Variants in GRIN2A observed in about 807,000 individuals in gnomAD.
GRIN2A encodes the protein glutamate ionotropic receptor NMDA type subunit 2A, also known as glutamate receptor ionotropic, NMDA 2A.
GRIN2A carries 22 observed loss-of-function variants against 113.4 expected under a neutral mutation model. The ratio of observed to expected loss-of-function variants is 0.19; its 90% CI spans 0.14 to 0.28. The LOEUF (loss-of-function observed/expected upper bound fraction) is 0.28, where lower values mean the gene tolerates loss of function less well. Among genes scored for constraint, GRIN2A ranks in the 10% least tolerant of loss-of-function variants. The pLI is 1.00. For synonymous variants in GRIN2A, 827 were observed against 738.4 expected, an observed-to-expected ratio of 1.12 and a Z score of -1.94; for missense variants, 1,502 against 1,887.0, an observed-to-expected ratio of 0.80 and a Z score of 3.78.
intron 2 of GRIN2A, among the ~76,000 whole-genome samples, chr16:10,034,094 G>A (rs188818812): frequency 1.1e-4 from 17 of 152,262 alleles, no homozygotes; most frequent in Admixed American, 2.6e-4. Context: ...GATGCCAGGC[G>A]GCCGTGAGAA....
intron 11 of GRIN2A, 47 bp from the exon 12 acceptor site, chr16:9,769,136 CTTTGGGGCAGACGCTTCTGGG>C (rs1188155483): frequency 7.0e-7 from 1 of 1,420,246 alleles, no homozygotes; most frequent in Non-Finnish European, 1.0e-6. Context: ...AGAACATGCA[CTTTGGGGCAGACGCTTCTGGG>C]TTTGGAACAG....
chr16:10,031,802 G>A (rs997329177), intron 2 of GRIN2A, among the ~76,000 whole-genome samples: 1 of 152,208 alleles, frequency 6.6e-6, no homozygotes, highest in Non-Finnish European at 1.5e-5. Context: ...GTCTCAGCAC[G>A]GTTCTGCTCT....
At chr16:10,035,642 C>A (rs917981993) in intron 2 of GRIN2A, among the ~76,000 whole-genome samples, 2 of 152,124 alleles carry the variant, frequency 1.3e-5, no homozygotes, top group Non-Finnish European at 2.9e-5. Context: ...CAGGGGAAGC[C>A]CAAGAATCTG....
chr16:9,863,556 C>G (rs887845734), intron 4 of GRIN2A, among the ~76,000 whole-genome samples: 1 of 152,214 alleles, frequency 6.6e-6, no homozygotes, highest in Admixed American at 6.5e-5. Flanking sequence ...CCAACACGGA[C>G]ATCCAAAAGG....
chr16:10,171,795 T>C (rs1474539557), intron 2 of GRIN2A, among the ~76,000 whole-genome samples: 1 of 152,240 alleles, frequency 6.6e-6, no homozygotes, highest in Non-Finnish European at 1.5e-5. Flanking sequence ...CACTGAGACA[T>C]GGACTAATAT....
rs554481348 is a variant in GRIN2A, at chr16:9,946,694, C to A, written c.415-8143G>T. On this transcript the variant is annotated intron_variant, in intron 2 of 12. Transcript: ENST00000330684. ...GGAACATTTCCTAATCTGATCTAAT[C>A]AGAGTGGCTTTCTGGATTTATGAAG... Among the ~76,000 whole-genome samples the A allele has an allele frequency of 3.9e-5, 6 of 152,278 alleles. No homozygotes were observed. In the South Asian group the frequency reaches 1.2e-3, roughly 32 times the overall value.
intron 2 of GRIN2A, among the ~76,000 whole-genome samples, chr16:10,077,683 C>T (rs181368927): frequency 6.6e-6 from 1 of 152,340 alleles, no homozygotes; most frequent in African/African-American, 2.4e-5. Context: ...TTTCTGCCCT[C>T]ATCTCCTTCC....
chr16:10,111,235 G>A, intron 2 of GRIN2A: 1 of 255,510 alleles, frequency 3.9e-6, no homozygotes, highest in South Asian at 5.2e-5. Flanking sequence ...AAATGACCAA[G>A]GCACCCAACA....
intron 10 of GRIN2A, among the ~76,000 whole-genome samples, chr16:9,801,862 A>G (rs1223544886): frequency 1.3e-5 from 2 of 152,176 alleles, no homozygotes; most frequent in African/African-American, 4.8e-5. Context: ...AACTGAAGTG[A>G]TTACAACACA....
At chr16:9,955,320 G>A (rs1436261368) in intron 2 of GRIN2A, among the ~76,000 whole-genome samples, 2 of 152,128 alleles carry the variant, frequency 1.3e-5, no homozygotes, top group Non-Finnish European at 2.9e-5. Context: ...GACTTTGCTT[G>A]TCTTGTTCCA....
chr16:9,937,705 T>C, intron 3 of GRIN2A: 1 of 519,602 alleles, frequency 1.9e-6, no homozygotes, highest in Non-Finnish European at 3.5e-6. Context: ...GATCGATCAA[T>C]CCCAGGTGTA....
intron 2 of GRIN2A, among the ~76,000 whole-genome samples, chr16:10,161,164 T>G (rs552862135): frequency 2.0e-5 from 3 of 152,338 alleles, no homozygotes; most frequent in Admixed American, 6.5e-5. Context: ...CATGCTGTTC[T>G]CATGATAGTG....
intron 3 of GRIN2A, among the ~76,000 whole-genome samples, chr16:9,906,596 A>G (rs1365306042): frequency 2.0e-5 from 3 of 152,220 alleles, no homozygotes; most frequent in Non-Finnish European, 4.4e-5. Flanking sequence ...TTAAAAAAGT[A>G]TGTGAATCAA....
intron 10 of GRIN2A, among the ~76,000 whole-genome samples, chr16:9,814,499 C>T (rs535908091): frequency 1.2e-4 from 18 of 152,214 alleles, no homozygotes; most frequent in African/African-American, 3.6e-4. Context: ...TGCAAAGATG[C>T]CTGGACATAT....
chr16:10,153,993 T>C (rs2049637299), intron 2 of GRIN2A, among the ~76,000 whole-genome samples: 1 of 152,202 alleles, frequency 6.6e-6, no homozygotes, highest in Non-Finnish European at 1.5e-5. Context: ...GCAAAAGTCC[T>C]CATGTCAGAG....
chr16:9,849,894 GAGA>G lies in GRIN2A; in HGVS notation c.1187_1189del (p.Phe396del). ...ATGGTTGTCATCCGGCTCACAGTCG[GAGA>G]AGGACTTGTACCTGGGCCACACGGC... On this transcript the variant is annotated inframe_deletion, in exon 5 of 13. Transcript: ENST00000330684. 5 of 1,614,062 alleles carry G rather than the reference GAGA, an allele frequency of 3.1e-6. No homozygotes were observed. Among genetic ancestry groups the G allele is most frequent in the Non-Finnish European group, 4.2e-6 (5 of 1,179,980 alleles).
At chr16:9,769,163 A>T in intron 11 of GRIN2A, 74 bp from the exon 12 acceptor site, 2 of 1,168,144 alleles carry the variant, frequency 1.7e-6, no homozygotes, top group Non-Finnish European at 2.6e-6. Flanking sequence ...CTGGGTTTGG[A>T]ACAGACGATG....
At chr16:9,982,685 T>C (rs2045913561) in intron 2 of GRIN2A, among the ~76,000 whole-genome samples, 1 of 152,246 alleles carries the variant, frequency 6.6e-6, no homozygotes, top group African/African-American at 2.4e-5. Flanking sequence ...AGTATCTTCA[T>C]TGATGCCCAA....
At chr16:9,941,452 G>C (rs1380682079) in intron 2 of GRIN2A, among the ~76,000 whole-genome samples, 1 of 152,244 alleles carries the variant, frequency 6.6e-6, no homozygotes, top group East Asian at 1.9e-4. Flanking sequence ...TTGGCCCAGA[G>C]CCAGCTCGGC....
Sources: gnomAD v4.1 joint callset for allele counts (sites outside exome capture counted in the v4.1 genomes callset) on GRCh38, gnomAD v4.1.1 for gene constraint, MANE v1.5 for transcripts, NCBI Gene and HGNC (gene_info 2026-07-23, HGNC 2026-07-21) for gene names.